Variants in ZNF550 observed in about 807,000 individuals in gnomAD.
ZNF550 encodes the protein zinc finger protein 550.
In ZNF550, 42 loss-of-function variants were observed where a neutral mutation model predicts 40.2. The observed-to-expected ratio is 1.05, with a 90% confidence interval of 0.82 to 1.35. The LOEUF (loss-of-function observed/expected upper bound fraction) is 1.35, where lower values mean the gene tolerates loss of function less well. Ranked by LOEUF, ZNF550 falls within the 40% of genes most tolerant of loss-of-function variation. The pLI is 0.00. For synonymous variants in ZNF550, 223 were observed against 198.6 expected (o/e 1.12, Z -1.03); for missense variants, 549 against 525.2 (o/e 1.05, Z -0.44).
chr19:57,544,524 G>A (rs2089990847), intron 4 of ZNF550: 1 of 985,356 alleles, frequency 1.0e-6, no homozygotes, highest in Non-Finnish European at 1.2e-6. Flanking sequence ...GATGCAGGAG[G>A]GTGGGGGTCC....
chr19:57,547,288 T>G (rs763575504), exon 4 of ZNF550: 2 of 1,614,058 alleles, frequency 1.2e-6, no homozygotes, highest in Non-Finnish European at 1.7e-6. Context: ...TTTCTCACAT[T>G]CTTTGCACTC....
chr19:57,547,209 G>C (rs938045550), exon 4 of ZNF550: 1 of 1,613,876 alleles, frequency 6.2e-7, no homozygotes, highest in African/African-American at 1.3e-5. Context: ...CACATGCCAT[G>C]CAATCATAGG....
chr19:57,547,525 A>G, exon 4 of ZNF550: 1 of 1,614,158 alleles, frequency 6.2e-7, no homozygotes, highest in Non-Finnish European at 8.5e-7. Context: ...GCTCTGGCTA[A>G]AGGCTTTCCC....
At chr19:57,552,381 C>A in intron 3 of ZNF550, 1 of 478,614 alleles carries the variant, frequency 2.1e-6, no homozygotes, top group Non-Finnish European at 3.7e-6. Flanking sequence ...TCCCCTTCTA[C>A]CAGCTGGATT....
intron 4 of ZNF550, among the ~76,000 whole-genome samples, chr19:57,544,995 G>T (rs756886924): frequency 5.9e-5 from 9 of 152,152 alleles, no homozygotes; most frequent in Non-Finnish European, 8.8e-5. Flanking sequence ...GGTAGTACAT[G>T]CCTGTAATCC....
At chr19:57,546,891 T>C (rs985287528) in exon 4 of ZNF550, 7 of 1,482,934 alleles carry the variant, frequency 4.7e-6, no homozygotes, top group South Asian at 1.5e-5. Flanking sequence ...GAAGGACTTC[T>C]TCCTACAGTG....
intron 1 of ZNF550, among the ~76,000 whole-genome samples, chr19:57,557,935 A>G (rs1252128060): frequency 1.3e-5 from 2 of 152,238 alleles, no homozygotes; most frequent in Non-Finnish European, 2.9e-5. Context: ...TTAGGCAATC[A>G]GTGGAGTGCC....
At chr19:57,546,475 A>C (rs1002453161) in exon 4 of ZNF550, 2 of 987,402 alleles carry the variant, frequency 2.0e-6, no homozygotes, top group South Asian at 4.7e-5. Flanking sequence ...GAAGGTTTTC[A>C]TAAGTTCATA....
intron 1 of ZNF550, chr19:57,556,944 GC>G (rs1190497736): frequency 6.5e-6 from 1 of 152,858 alleles, no homozygotes; most frequent in Non-Finnish European, 1.5e-5. Flanking sequence ...CAGGCAGTAT[GC>G]TTGGTAAAAG....
intron 3 of ZNF550, 27 bp from the exon 4 acceptor site, chr19:57,548,020 G>A (rs749250830): frequency 1.9e-6 from 3 of 1,572,752 alleles, no homozygotes; most frequent in Non-Finnish European, 2.6e-6. Flanking sequence ...AACAAAGGAG[G>A]GGTCTTTTAG....
intron 4 of ZNF550, chr19:57,543,528 A>C: frequency 1.3e-6 from 1 of 797,470 alleles, no homozygotes; most frequent in Non-Finnish European, 1.5e-6. Flanking sequence ...GAATGGTCAT[A>C]ACTAGTCCCA....
intron 2 of ZNF550, 190 bp from the exon 3 acceptor site, chr19:57,552,912 A>C: frequency 1.8e-6 from 1 of 565,064 alleles, no homozygotes; most frequent in East Asian, 2.8e-5. Context: ...TAAAAATCAT[A>C]TGTTGATGCC....
At chr19:57,546,844 A>C in exon 4 of ZNF550, 3 of 1,404,852 alleles carry the variant, frequency 2.1e-6, no homozygotes, top group African/African-American at 2.9e-5. Context: ...AAGAGCTGAC[A>C]AAAAAAATGA....
exon 4 of ZNF550, chr19:57,546,813 C>G: frequency 7.2e-7 from 1 of 1,397,692 alleles, no homozygotes; most frequent in African/African-American, 1.4e-5. Flanking sequence ...TCCAAAGTGA[C>G]TGCTCATGTG....
At chr19:57,542,587 G>GT (rs1204332212) in exon 5 of ZNF550, 1 of 151,726 alleles carries the variant, frequency 6.6e-6, no homozygotes, top group African/African-American at 2.4e-5. Context: ...TTTTGCTGTA[G>GT]TTTGAGTGAA....
In ZNF550 at chr19:57,547,819, G is replaced by A. The variant is rs142200842; in HGVS notation, c.425C>T (p.Pro142Leu). Reference sequence around the variant, plus strand: ...GGTCTCCTTGTGGAGGTCTGTCTCCGGTGTCACTTTACCTTTCTGCATTTC... The same window carrying A: ...GGTCTCCTTGTGGAGGTCTGTCTCCAGTGTCACTTTACCTTTCTGCATTTC... The change falls in exon 4 of 5, where the codon CCG becomes CTG. Residue 142 changes from proline to leucine, a missense_variant. By Grantham distance (98) the Pro-to-Leu change is moderately conservative. Transcript: ENST00000457177. The A allele has an allele frequency of 5.1e-4, 816 of 1,614,076 alleles. 4 individuals carry two copies. The Middle Eastern group carries it at 0.016, about 32-fold the overall frequency.
chr19:57,559,811 G>A (rs2097753857), exon 1 of ZNF550: 1 of 830,734 alleles, frequency 1.2e-6, no homozygotes, highest in Non-Finnish European at 1.6e-6. Context: ...TTCTGAGAGC[G>A]CGGACCAACA....
intron 1 of ZNF550, among the ~76,000 whole-genome samples, chr19:57,558,790 T>A (rs1436648304): frequency 6.6e-6 from 1 of 152,154 alleles, no homozygotes; most frequent in Non-Finnish European, 1.5e-5. Flanking sequence ...ATCTGGGCTA[T>A]CATGAAAGTA....
chr19:57,558,228 C>A (rs2090139340), intron 1 of ZNF550, among the ~76,000 whole-genome samples: 1 of 152,150 alleles, frequency 6.6e-6, no homozygotes, highest in Admixed American at 6.5e-5. Context: ...GACCTGAGAA[C>A]AATGTCTCAG....
Sources: gnomAD v4.1 joint callset for allele counts (sites outside exome capture counted in the v4.1 genomes callset) on GRCh38, gnomAD v4.1.1 for gene constraint, MANE v1.5 for transcripts, NCBI Gene and HGNC (gene_info 2026-07-23, HGNC 2026-07-21) for gene names.